The following KSR2 variants were observed in gnomAD, a reference collection of about 807,000 sequenced individuals.
KSR2 encodes the protein kinase suppressor of ras 2.
A neutral mutation model predicts 107.8 loss-of-function variants in KSR2; 25 were observed. The ratio of observed to expected loss-of-function variants is 0.23; its 90% CI spans 0.17 to 0.32. The LOEUF is 0.32. KSR2 is among the 10% of genes least tolerant of loss of function. The pLI, the probability that KSR2 is intolerant of heterozygous loss-of-function variation, is 1.00. For synonymous variants in KSR2, 480 were observed against 507.0 expected (o/e 0.95, Z 0.71); for missense variants, 887 against 1,268.9 (o/e 0.70, Z 4.57).
chr12:117,678,353 A>C (rs1593121901), intron 4 of KSR2, among the ~76,000 whole-genome samples: 1 of 150,894 alleles, frequency 6.6e-6, no homozygotes, highest in African/African-American at 2.4e-5. Context: ...TACTACCCCC[A>C]CCCCGCCCCC....
At chr12:117,643,400 T>C (rs1976754) in intron 5 of KSR2, among the ~76,000 whole-genome samples, 85,133 of 152,136 alleles carry the variant, frequency 0.56, 25,663 homozygotes, top group Non-Finnish European at 0.68. Context: ...TGAGCCAAGA[T>C]TGTGCCACTG....
At chr12:117,788,668 T>TTTTG (rs923856055) in intron 3 of KSR2, among the ~76,000 whole-genome samples, 1 of 152,036 alleles carries the variant, frequency 6.6e-6, no homozygotes, top group Non-Finnish European at 1.5e-5. Context: ...CGCCTGGCTT[T>TTTTG]TTTGTTTGTT....
At chr12:117,546,752 A>G (rs1876897568) in intron 9 of KSR2, among the ~76,000 whole-genome samples, 1 of 152,188 alleles carries the variant, frequency 6.6e-6, no homozygotes, top group African/African-American at 2.4e-5. Flanking sequence ...CTTGTTATTG[A>G]GTCCATCCAC....
At chr12:117,933,245 T>G (rs1186113587) in intron 1 of KSR2, among the ~76,000 whole-genome samples, 1 of 152,162 alleles carries the variant, frequency 6.6e-6, no homozygotes, top group African/African-American at 2.4e-5. Context: ...AACAAATAAT[T>G]TTTAGTATAA....
chr12:117,672,941 C>T (rs1884975201), intron 4 of KSR2, among the ~76,000 whole-genome samples: 1 of 152,226 alleles, frequency 6.6e-6, no homozygotes, highest in African/African-American at 2.4e-5. Context: ...ATCCAACAAA[C>T]TTTCAATCCA....
chr12:117,524,323 T>C (rs1874962452), intron 14 of KSR2, among the ~76,000 whole-genome samples: 1 of 152,224 alleles, frequency 6.6e-6, no homozygotes, highest in Admixed American at 6.5e-5. Context: ...TGTTTCTAAT[T>C]CCCCATTTAG....
At chr12:117,519,264 C>T (rs1485478392) in intron 14 of KSR2, among the ~76,000 whole-genome samples, 1 of 152,168 alleles carries the variant, frequency 6.6e-6, no homozygotes, top group East Asian at 1.9e-4. Context: ...AAGAGGTTTC[C>T]AAGGTGTGCC....
intron 3 of KSR2, among the ~76,000 whole-genome samples, chr12:117,825,975 G>C (rs1202245640): frequency 7.3e-6 from 1 of 137,666 alleles, no homozygotes; most frequent in Non-Finnish European, 1.6e-5. Flanking sequence ...GGGTGGGTAG[G>C]TGGGTGAACA....
chr12:117,801,877 G>A (rs1458865592), intron 3 of KSR2, among the ~76,000 whole-genome samples: 4 of 152,114 alleles, frequency 2.6e-5, no homozygotes, highest in Admixed American at 1.3e-4. Context: ...GGATTCCCAA[G>A]AGGCCCTGGG....
At chr12:117,945,382 T>C (rs144213897) in intron 1 of KSR2, among the ~76,000 whole-genome samples, 24 of 152,260 alleles carry the variant, frequency 1.6e-4, no homozygotes, top group African/African-American at 5.5e-4. Flanking sequence ...TGATCATAAT[T>C]GAATTAAACT....
At chr12:117,587,577 C>T (rs958005145) in intron 5 of KSR2, among the ~76,000 whole-genome samples, 4 of 152,172 alleles carry the variant, frequency 2.6e-5, no homozygotes, top group African/African-American at 7.2e-5. Flanking sequence ...GTGTTGTTTT[C>T]AGCCGCTGAG....
intron 3 of KSR2, among the ~76,000 whole-genome samples, chr12:117,763,605 G>C (rs941608780): frequency 1.3e-5 from 2 of 152,164 alleles, no homozygotes; most frequent in African/African-American, 2.4e-5. Context: ...GATGACAATG[G>C]GGTGACACTC....
At chr12:117,944,970 T>G (rs1239698504) in intron 1 of KSR2, among the ~76,000 whole-genome samples, 2 of 152,054 alleles carry the variant, frequency 1.3e-5, no homozygotes, top group Non-Finnish European at 2.9e-5. Flanking sequence ...TTACCAGGGA[T>G]TAAAGAGAAC....
chr12:117,714,216 C>G (rs1886895414), intron 4 of KSR2, among the ~76,000 whole-genome samples: 1 of 152,150 alleles, frequency 6.6e-6, no homozygotes, highest in Admixed American at 6.6e-5. Flanking sequence ...GGAACTCTTT[C>G]ATGAGGCTGC....
intron 3 of KSR2, among the ~76,000 whole-genome samples, chr12:117,772,242 ACACT>A (rs1457746072): frequency 5.5e-5 from 6 of 109,616 alleles, no homozygotes; most frequent in Non-Finnish European, 1.0e-4. Context: ...AGACGCACAA[ACACT>A]CACACATACA....
chr12:117,531,615 T>C, intron 11 of KSR2, 51 bp downstream of exon 11: 6 of 1,536,418 alleles, frequency 3.9e-6, no homozygotes, highest in Non-Finnish European at 5.4e-6. Context: ...ACTCCTGCAA[T>C]GCAGCGGGGC....
chr12:117,691,943 T>G (rs1449931294), intron 4 of KSR2, among the ~76,000 whole-genome samples: 1 of 152,086 alleles, frequency 6.6e-6, no homozygotes, highest in African/African-American at 2.4e-5. Flanking sequence ...GCACAGATAA[T>G]GGAAGCTGCT....
chr12:117,755,046 A>G (rs1230160678), intron 4 of KSR2, among the ~76,000 whole-genome samples: 1 of 152,208 alleles, frequency 6.6e-6, no homozygotes, highest in African/African-American at 2.4e-5. Context: ...GAAACCAGAC[A>G]TGAAAGAGAG....
chr12:117,757,242 G>A (rs556417704), intron 4 of KSR2, among the ~76,000 whole-genome samples: 3 of 152,228 alleles, frequency 2.0e-5, no homozygotes, highest in South Asian at 2.1e-4. Context: ...CAGATGCGGT[G>A]GAAACAGCAA....
Sources: gnomAD v4.1 joint callset for allele counts (sites outside exome capture counted in the v4.1 genomes callset) on GRCh38, gnomAD v4.1.1 for gene constraint, MANE v1.5 for transcripts, NCBI Gene and HGNC (gene_info 2026-07-23, HGNC 2026-07-21) for gene names.